Variants in XRCC6 observed in about 807,000 individuals in gnomAD.
XRCC6 encodes the protein X-ray repair cross complementing 6, also known as DNA repair protein Ku70.
A neutral mutation model predicts 65.7 loss-of-function variants in XRCC6; 5 were observed. The observed-to-expected ratio is 0.08, with a 90% CI of 0.04 to 0.16. The LOEUF (loss-of-function observed/expected upper bound fraction) is 0.16, where lower values mean the gene tolerates loss of function less well. Among genes scored for constraint, XRCC6 ranks in the 10% least tolerant of loss-of-function variants. XRCC6 has a pLI of 1.00. For synonymous variants in XRCC6, 270 were observed against 270.6 expected, an observed-to-expected ratio of 1.00 and a Z score of 0.02; for missense variants, 447 against 738.1, an observed-to-expected ratio of 0.61 and a Z score of 4.57.
chr22:41,655,698 CA>C (rs132782), intron 9 of XRCC6, among the ~76,000 whole-genome samples: 232 of 108,410 alleles, frequency 2.1e-3, no homozygotes, highest in Middle Eastern at 5.6e-3. Context: ...GACTCTGTCT[CA>C]AAAAAAAAAA....
At chr22:41,622,837 C>G (rs551553427) in intron 2 of XRCC6, among the ~76,000 whole-genome samples, 1 of 151,416 alleles carries the variant, frequency 6.6e-6, no homozygotes, top group Non-Finnish European at 1.5e-5. Flanking sequence ...CCCAGCTGCT[C>G]GGGAGGCTGA....
At chr22:41,622,295 C>G (rs1345167596) in intron 2 of XRCC6, among the ~76,000 whole-genome samples, 1 of 152,106 alleles carries the variant, frequency 6.6e-6, no homozygotes, top group East Asian at 1.9e-4. Context: ...TTTTTGGACA[C>G]TGGTAGTTTG....
In XRCC6 at chr22:41,653,793, G is replaced by A. The variant is rs927822185; in HGVS notation, c.1291+103G>A. On this transcript the variant is annotated intron_variant, in intron 9 of 12. Transcript: ENST00000360079. ...CTACTGAATCATAGTCTCTGGGAATGGGGCTTAAAAATGTCTATTTTTAAG... is the reference window on the plus strand; with the variant it reads ...CTACTGAATCATAGTCTCTGGGAATAGGGCTTAAAAATGTCTATTTTTAAG... 1.1e-5 allele frequency: 15 copies of A among 1,390,414 alleles called. No homozygotes were observed. In the African/African-American group the frequency reaches 2.0e-4, roughly 19 times the overall value. 86.1% of individuals were successfully genotyped at this position (1,390,414 alleles called of 1,614,324 possible).
Position 41,650,708 on chromosome 22 carries a change from GTTC to G in XRCC6, c.961-10_961-8del, listed in dbSNP as rs762466875. Reference sequence around the variant, plus strand: ...GTAGCCTTCCCATTTGATCCTTGTCGTTCTTCTCCTTCAGATCTATGGGAGTCG... The same window carrying G: ...GTAGCCTTCCCATTTGATCCTTGTCGTTCTCCTTCAGATCTATGGGAGTCG... On this transcript the variant is annotated splice_polypyrimidine_tract_variant and intron_variant, in intron 7 of 12. Coordinates refer to ENST00000360079, the MANE Select transcript of XRCC6 (RefSeq NM_001469.5). 35 of 1,609,952 alleles carry G rather than the reference GTTC, an allele frequency of 2.2e-5. No homozygotes were observed. The highest frequency in any genetic ancestry group is 1.0e-5 in the Non-Finnish European group (12 of 1,177,820).
chr22:41,627,341 T>G (rs569861306), intron 2 of XRCC6, among the ~76,000 whole-genome samples: 2 of 152,166 alleles, frequency 1.3e-5, no homozygotes, highest in East Asian at 3.9e-4. Flanking sequence ...TGGGGTGCGG[T>G]GGCTCACGTC....
At chr22:41,658,921 C>G (rs937089967) in intron 11 of XRCC6, among the ~76,000 whole-genome samples, 1 of 152,130 alleles carries the variant, frequency 6.6e-6, no homozygotes, top group Admixed American at 6.6e-5. Context: ...CAGAGCGAGA[C>G]GCTGTCTCAA....
rs144885512 is a variant in XRCC6, at chr22:41,623,450, C to T, written c.82+1364C>T. On this transcript the variant is annotated intron_variant, in intron 2 of 12. Coordinates refer to ENST00000360079, the MANE Select transcript of XRCC6 (RefSeq NM_001469.5). Reference sequence around the variant, plus strand: ...TCGCCCAGGCTGGAGTGCAGTGGCGCGATCTTGGCTCACTGCAAGCTCCGC... The same window carrying T: ...TCGCCCAGGCTGGAGTGCAGTGGCGTGATCTTGGCTCACTGCAAGCTCCGC... Among the ~76,000 whole-genome samples the T allele has an allele frequency of 1.4e-3, 215 of 151,916 alleles. 3 individuals are homozygous for T. In the East Asian group the frequency reaches 0.033, roughly 24 times the overall value.
At chr22:41,626,853 G>C (rs2067681525) in intron 2 of XRCC6, among the ~76,000 whole-genome samples, 1 of 151,784 alleles carries the variant, frequency 6.6e-6, no homozygotes. Context: ...TATTAGCTAG[G>C]ATGGTCTCGA....
intron 3 of XRCC6, among the ~76,000 whole-genome samples, chr22:41,631,561 C>G (rs1291016404): frequency 7.9e-6 from 1 of 126,964 alleles, no homozygotes; most frequent in Non-Finnish European, 1.6e-5. Context: ...CCCCACATCT[C>G]AGACGATGGG....
intron 12 of XRCC6, among the ~76,000 whole-genome samples, chr22:41,662,545 T>C (rs2068109509): frequency 6.6e-6 from 1 of 152,208 alleles, no homozygotes; most frequent in Non-Finnish European, 1.5e-5. Context: ...TTTTAAAAAA[T>C]GAGGCTGCAG....
intron 4 of XRCC6, 69 bp from the exon 5 acceptor site, chr22:41,636,447 C>G: frequency 6.3e-7 from 1 of 1,577,906 alleles, no homozygotes; most frequent in Non-Finnish European, 8.6e-7. Flanking sequence ...TTCTGTTAGT[C>G]TTGTGGTAAA....
chr22:41,661,269 A>G, intron 11 of XRCC6, 62 bp from the exon 12 acceptor site: 1 of 1,429,780 alleles, frequency 7.0e-7, no homozygotes, highest in Non-Finnish European at 9.7e-7. Context: ...GAGTTCTGGA[A>G]GTGGACAGCA....
intron 8 of XRCC6, among the ~76,000 whole-genome samples, chr22:41,652,190 G>C (rs28384759): frequency 0.019 from 2,830 of 152,206 alleles, 90 homozygotes; most frequent in African/African-American, 0.064. Context: ...TCCAGTGTTG[G>C]AAATTAAAGA....
chr22:41,653,228 A>C (rs2068017361), intron 8 of XRCC6, among the ~76,000 whole-genome samples: 1 of 151,998 alleles, frequency 6.6e-6, no homozygotes, highest in African/African-American at 2.4e-5. Flanking sequence ...ACTTAGAGAT[A>C]CTTTGTCTCT....
rs138171458 is a variant in XRCC6 at position 41,657,490 on chromosome 22, TTTATTATTATTATTATTATTA to T, written c.1421+485_1421+505del. 2.5e-3 allele frequency among the ~76,000 whole-genome samples: 352 copies of T among 138,234 alleles called. 1 individual carries two copies. Among genetic ancestry groups the T allele is most frequent in the African/African-American group, 7.1e-3 (267 of 37,456 alleles). 90.7% of individuals were successfully genotyped at this position (138,234 alleles called of 152,430 possible). On this transcript the variant is annotated intron_variant, in intron 10 of 12. Coordinates refer to ENST00000360079, the MANE Select transcript of XRCC6 (RefSeq NM_001469.5). ...TTTTTTCACATGTCATTTTTAAAAA[TTTATTATTATTATTATTATTA>T]TTATTATTATTATTATTATTATTAT...
chr22:41,648,892 C>G (rs78436627), intron 7 of XRCC6, among the ~76,000 whole-genome samples: 2,758 of 151,808 alleles, frequency 0.018, 88 homozygotes, highest in African/African-American at 0.063. Flanking sequence ...CTTGAGAGTT[C>G]TTTTGTTCAT....
chr22:41,638,835 G>C (rs949785994), intron 6 of XRCC6, among the ~76,000 whole-genome samples: 5 of 150,694 alleles, frequency 3.3e-5, no homozygotes, highest in African/African-American at 1.2e-4. Context: ...TACCTGCATA[G>C]GGCACTTACC....
chr22:41,637,630 C>G lies in XRCC6; in HGVS notation c.612C>G (p.His204Gln). The G allele has an allele frequency of 6.2e-7, 1 of 1,607,014 alleles. No homozygotes were observed. Among genetic ancestry groups the G allele is most frequent in the Non-Finnish European group, 8.5e-7 (1 of 1,177,286 alleles). ...RDTGIFLDLM[H>Q]LKKPGGFDIS... ...CAGGCATCTTCCTTGACTTGATGCA[C>G]CTGAAGAAACCTGGGGGCTTTGACA... The change falls in exon 6 of 13, where the codon CAC (histidine) becomes CAG (glutamine). Residue 204 changes from histidine (H) to glutamine (Q), a missense_variant. This residue lies in a region of XRCC6 where 228 missense variants were observed against 307.4 expected (regional missense o/e 0.74). Coordinates refer to ENST00000360079, the MANE Select transcript of XRCC6 (RefSeq NM_001469.5).
At chr22:41,621,528 C>T (rs1412280392) in intron 1 of XRCC6, 183 bp downstream of exon 1, 2 of 167,658 alleles carry the variant, frequency 1.2e-5, no homozygotes, top group East Asian at 1.8e-4. Context: ...GGAGGCGGCA[C>T]CTCGCGTTTG....
Sources: allele counts gnomAD v4.1 joint callset (sites outside exome capture counted in the v4.1 genomes callset), GRCh38; gene constraint gnomAD v4.1.1; regional missense constraint gnomAD v4.1.1; transcripts MANE v1.5; gene names NCBI Gene and HGNC (gene_info 2026-07-23, HGNC 2026-07-21).